SH3GLB1: variants seen among roughly 807,000 people sequenced by gnomAD.
SH3GLB1 encodes endophilin-B1.
SH3GLB1 carries 17 observed loss-of-function variants against 42.0 expected under a neutral mutation model. The observed-to-expected ratio is 0.40, with a 90% CI of 0.28 to 0.61. The LOEUF (loss-of-function observed/expected upper bound fraction) is 0.61, where lower values mean the gene tolerates loss of function less well. SH3GLB1 is among the 20% of genes least tolerant of loss of function. The pLI, the probability that SH3GLB1 is intolerant of heterozygous loss-of-function variation, is 0.36. For synonymous variants in SH3GLB1, 132 were observed against 146.6 expected (o/e 0.90, Z 0.72); for missense variants, 355 against 426.3 (o/e 0.83, Z 1.47).
At chr1:86,719,447 A>G in intron 2 of SH3GLB1, 60 bp from the exon 3 acceptor site, 1 of 1,500,254 alleles carries the variant, frequency 6.7e-7, no homozygotes, top group East Asian at 2.4e-5. Context: ...GGGGAAAAAA[A>G]CAATCTTCTA....
Position 86,727,134 on chromosome 1 carries a change from T to C in SH3GLB1, c.570+2729T>C, listed in dbSNP as rs147788736. Among the ~76,000 whole-genome samples, 21 of 152,118 alleles carry C rather than the reference T, an allele frequency of 1.4e-4. No individual in the cohort carries two copies. In the East Asian group the frequency reaches 4.0e-3, roughly 29 times the overall value. On this transcript the variant is annotated intron_variant, in intron 5 of 8. Transcript: ENST00000370558. ...TACTGAGGAGTTCATAGATAAATGA[T>C]GTAAAATCTCTGCCGCCCTCAGTTC...
At chr1:86,709,947 C>A (rs2101912742) in intron 1 of SH3GLB1, among the ~76,000 whole-genome samples, 1 of 152,340 alleles carries the variant, frequency 6.6e-6, no homozygotes, top group East Asian at 1.9e-4. Flanking sequence ...TTTGGCCAAA[C>A]AACTCTCTCA....
chr1:86,736,805 A>G (rs185740239), intron 7 of SH3GLB1, among the ~76,000 whole-genome samples: 4 of 152,334 alleles, frequency 2.6e-5, no homozygotes, highest in African/African-American at 7.2e-5. Context: ...CTAATGACCA[A>G]TGACATTGGA....
intron 5 of SH3GLB1, among the ~76,000 whole-genome samples, chr1:86,731,117 A>G (rs1655486372): frequency 6.6e-6 from 1 of 152,186 alleles, no homozygotes; most frequent in Non-Finnish European, 1.5e-5. Context: ...TGGGCTGGGA[A>G]AGCAAGTAAT....
chr1:86,707,930 G>A (rs193027142), intron 1 of SH3GLB1, among the ~76,000 whole-genome samples: 19 of 152,188 alleles, frequency 1.2e-4, no homozygotes, highest in African/African-American at 4.3e-4. Flanking sequence ...ACAGGTGTGA[G>A]CCACCACACC....
At position 86,722,451 on chromosome 1, in the gene SH3GLB1, A is replaced by T; in HGVS notation, c.344-89A>T. 3 of 1,286,006 alleles carry T rather than the reference A, an allele frequency of 2.3e-6. No homozygotes were observed. In the South Asian group the frequency reaches 4.9e-5, roughly 21 times the overall value. The allele number at this position is 1,286,006 out of a possible 1,614,324, so 79.7% of individuals were successfully genotyped here. ...AGCAAGCAAGTTACAGCTAACTTTT[A>T]AACAGACCAAATTGCTGATTTATCT... On this transcript the variant is annotated intron_variant, in intron 3 of 8. Transcript: ENST00000370558.
chr1:86,730,328 T>A, intron 5 of SH3GLB1: 2 of 985,388 alleles, frequency 2.0e-6, no homozygotes, highest in Non-Finnish European at 2.4e-6. Context: ...GCACACACAC[T>A]GATAAATCTT....
At chr1:86,709,041 C>A (rs1654036643) in intron 1 of SH3GLB1, among the ~76,000 whole-genome samples, 1 of 152,102 alleles carries the variant, frequency 6.6e-6, no homozygotes, top group South Asian at 2.1e-4. Context: ...GATATAGCTT[C>A]AAATCCATCT....
In SH3GLB1 at chr1:86,745,341, T is replaced by G. The variant is rs1656248480; in HGVS notation, c.*2106T>G. The G allele has an allele frequency of 6.6e-6, 1 of 152,262 alleles. No individual in the cohort carries two copies. The highest frequency in any genetic ancestry group is 2.4e-5 in the African/African-American group (1 of 41,466). 9.4% of individuals were successfully genotyped at this position (152,262 alleles called of 1,614,324 possible). A position where few individuals can be genotyped will look rare whatever the true frequency, so the allele number is the denominator to read the frequency against. On this transcript the variant is annotated 3_prime_UTR_variant, in exon 9 of 9. Transcript: ENST00000370558. ...GGCTTGGCACATAGTAAACACATCC[T>G]GTAAATATCAGTTTCCCCTTGTTAG...
chr1:86,724,195 G>C, intron 4 of SH3GLB1, 118 bp from the exon 5 acceptor site: 1 of 646,656 alleles, frequency 1.5e-6, no homozygotes. Flanking sequence ...CAATTTTGTA[G>C]TCATAGATCT....
intron 5 of SH3GLB1, among the ~76,000 whole-genome samples, chr1:86,730,980 T>A (rs1030944838): frequency 6.6e-6 from 1 of 152,252 alleles, no homozygotes; most frequent in African/African-American, 2.4e-5. Context: ...TATCATACTG[T>A]TAACAGTTGG....
At chr1:86,729,271 A>G (rs1271536999) in intron 5 of SH3GLB1, among the ~76,000 whole-genome samples, 1 of 152,186 alleles carries the variant, frequency 6.6e-6, no homozygotes, top group African/African-American at 2.4e-5. Flanking sequence ...CAGCTAATAC[A>G]TTGGCAATTA....
intron 1 of SH3GLB1, among the ~76,000 whole-genome samples, chr1:86,705,216 C>G (rs780784791): frequency 1.4e-4 from 21 of 152,156 alleles, no homozygotes; most frequent in Non-Finnish European, 2.9e-4. Context: ...GGAGCTTCCT[C>G]CCACCCCTGG....
At chr1:86,713,074 A>T (rs1654305303) in intron 1 of SH3GLB1, among the ~76,000 whole-genome samples, 1 of 152,086 alleles carries the variant, frequency 6.6e-6, no homozygotes, top group Non-Finnish European at 1.5e-5. Context: ...GTCGGGAGAA[A>T]ACTTGCCCTG....
Position 86,748,050 on chromosome 1 carries a change from CTG to C in SH3GLB1, c.*4817_*4818del. ...TTTTTTTCACTCAACAATACCATGA[CTG>C]TCTTGCTGTGTCAAGTATATTTCTA... On this transcript the variant is annotated 3_prime_UTR_variant, in exon 9 of 9. Coordinates refer to ENST00000370558, the MANE Select transcript of SH3GLB1 (RefSeq NM_016009.5). 1 of 152,254 alleles carries C rather than the reference CTG, an allele frequency of 6.6e-6. No homozygotes were observed. The highest frequency in any genetic ancestry group is 1.5e-5 in the Non-Finnish European group (1 of 68,018). 9.4% of individuals were successfully genotyped at this position (152,254 alleles called of 1,614,324 possible).
At chr1:86,732,143 T>C (rs565020119) in intron 5 of SH3GLB1, among the ~76,000 whole-genome samples, 1 of 152,204 alleles carries the variant, frequency 6.6e-6, no homozygotes, top group South Asian at 2.1e-4. Flanking sequence ...GCCATATGAA[T>C]AGTAGTCAAC....
At chr1:86,719,236 C>T (rs890310255) in intron 2 of SH3GLB1, among the ~76,000 whole-genome samples, 17 of 152,256 alleles carry the variant, frequency 1.1e-4, no homozygotes, top group African/African-American at 3.8e-4. Flanking sequence ...CAGTCCTTTT[C>T]TGGAACTTAA....
chr1:86,705,151 C>G (rs959953962), intron 1 of SH3GLB1, among the ~76,000 whole-genome samples, 180 bp downstream of exon 1: 1 of 152,152 alleles, frequency 6.6e-6, no homozygotes, highest in Non-Finnish European at 1.5e-5. Context: ...ATTTCTGCCC[C>G]GCTCCTGCCC....
At chr1:86,710,484 C>T (rs963994597) in intron 1 of SH3GLB1, among the ~76,000 whole-genome samples, 1 of 152,208 alleles carries the variant, frequency 6.6e-6, no homozygotes, top group East Asian at 1.9e-4. Context: ...AGGCTAGTCT[C>T]GAACTCCTGA....
Sources: gnomAD v4.1 joint callset for allele counts (sites outside exome capture counted in the v4.1 genomes callset) on GRCh38, gnomAD v4.1.1 for gene constraint, MANE v1.5 for transcripts, NCBI Gene and HGNC (gene_info 2026-07-23, HGNC 2026-07-21) for gene names.